The following ERCC6L2 variants were observed in gnomAD, a reference collection of about 807,000 sequenced individuals.
ERCC6L2 encodes the protein ERCC excision repair 6 like 2, also known as DNA excision repair protein ERCC-6-like 2.
A neutral mutation model predicts 132.0 loss-of-function variants in ERCC6L2; 77 were observed. That is an observed-to-expected ratio of 0.58 (90% CI 0.49 to 0.71). ERCC6L2 has a LOEUF of 0.71. Ranked by LOEUF, ERCC6L2 falls within the 30% of genes least tolerant of loss-of-function variation. The probability of loss-of-function intolerance (pLI) is 0.00; values close to 1 mark genes in which losing one functional copy is unlikely to be tolerated. For missense variants in ERCC6L2, 1,542 were observed against 1,837.6 expected (o/e 0.84, Z 2.94); for synonymous variants, 583 against 632.4 (o/e 0.92, Z 1.17).
rs891940692 is a variant in ERCC6L2, at chr9:95,905,521, G to A, written c.595-1557G>A. 4.6e-5 allele frequency among the ~76,000 whole-genome samples: 7 copies of A among 152,042 alleles called. No individual in the cohort carries two copies. The South Asian group carries it at 1.5e-3, about 32-fold the overall frequency. On this transcript the variant is annotated intron_variant, in intron 3 of 18. Coordinates refer to ENST00000653738, the MANE Select transcript of ERCC6L2 (RefSeq NM_020207.7). The stretch of plus-strand genomic sequence containing the variant: ...AATTTGCACCTAGCATTGTCATCTC[G>A]TAATATACAAAAAAATCAAAGGGAG...
intron 1 of ERCC6L2, among the ~76,000 whole-genome samples, chr9:95,877,958 A>C (rs563905689): frequency 6.6e-6 from 1 of 152,344 alleles, no homozygotes; most frequent in African/African-American, 2.4e-5. Context: ...AAAAGACAAA[A>C]AACCAGTGGA....
At chr9:95,953,734 A>G (rs914805361) in intron 12 of ERCC6L2, among the ~76,000 whole-genome samples, 1 of 152,106 alleles carries the variant, frequency 6.6e-6, no homozygotes. Context: ...AATTATACAC[A>G]TTATTACATT....
rs1827386483 is a variant in ERCC6L2, at chr9:95,878,100, ATGG to A, written c.46+2020_46+2022del. Among the ~76,000 whole-genome samples the A allele has an allele frequency of 5.3e-5, 8 of 152,330 alleles. No homozygotes were observed. The South Asian group carries it at 1.4e-3, about 28-fold the overall frequency. On this transcript the variant is annotated intron_variant, in intron 1 of 18. Transcript: ENST00000653738. ...GTTAGGCATAATTTAGGGAAAGTTG[ATGG>A]TGGCATGCTTTAAGACAGAGGTCTG...
At chr9:96,036,769 AT>A (rs780544626) in intron 19 of ERCC6L2, among the ~76,000 whole-genome samples, 4,130 of 119,802 alleles carry the variant, frequency 0.034, 103 homozygotes, top group Non-Finnish European at 0.051. Flanking sequence ...TATTATTTTT[AT>A]TTATTTTTTT....
Position 95,906,180 on chromosome 9 carries a change from A to T in ERCC6L2, c.595-898A>T, listed in dbSNP as rs146009833. 4.8e-3 allele frequency among the ~76,000 whole-genome samples: 735 copies of T among 152,262 alleles called. 7 individuals carry two copies. Among genetic ancestry groups the T allele is most frequent in the African/African-American group, 0.016 (661 of 41,560 alleles). The stretch of plus-strand genomic sequence containing the variant: ...TTCAAGAGAGAGCAGGAGGAGAGTT[A>T]AGCACTGATAACTCTTGATCTTTGC... On this transcript the variant is annotated intron_variant, in intron 3 of 18. Transcript: ENST00000653738.
chr9:96,040,056 T>TAAAA (rs71368224), intron 20 of ERCC6L2, among the ~76,000 whole-genome samples: 1 of 147,340 alleles, frequency 6.8e-6, no homozygotes, highest in Non-Finnish European at 1.5e-5. Context: ...CATCTCTAAT[T>TAAAA]AAAAAAAAAA....
chr9:95,932,191 G>A (rs112321818), intron 11 of ERCC6L2, among the ~76,000 whole-genome samples: 3,814 of 151,466 alleles, frequency 0.025, 172 homozygotes, highest in African/African-American at 0.089. Flanking sequence ...TCAGCCTCCC[G>A]AGCAGCTGGG....
chr9:95,910,149 C>T (rs1395155655), intron 4 of ERCC6L2, among the ~76,000 whole-genome samples: 1 of 152,130 alleles, frequency 6.6e-6, no homozygotes, highest in Non-Finnish European at 1.5e-5. Flanking sequence ...GATTGGCTTA[C>T]AGTATCTGAG....
intron 13 of ERCC6L2, among the ~76,000 whole-genome samples, chr9:95,961,852 T>C (rs891715664): frequency 6.6e-6 from 1 of 152,108 alleles, no homozygotes; most frequent in African/African-American, 2.4e-5. Context: ...AAGGCACATC[T>C]TGCATGGAGG....
intron 17 of ERCC6L2, among the ~76,000 whole-genome samples, chr9:95,995,924 A>G (rs1456375608): frequency 6.6e-6 from 1 of 152,184 alleles, no homozygotes; most frequent in Non-Finnish European, 1.5e-5. Flanking sequence ...GAAATGCAAC[A>G]GTATTGAAGT....
intron 15 of ERCC6L2, among the ~76,000 whole-genome samples, 176 bp from the exon 16 acceptor site, chr9:95,971,757 G>A (rs1832423243): frequency 6.6e-6 from 1 of 152,164 alleles, no homozygotes; most frequent in East Asian, 1.9e-4. Context: ...AAAGAGAAAA[G>A]ACTACCAGAC....
chr9:95,922,159 G>T (rs1220067860), intron 7 of ERCC6L2, 146 bp from the exon 8 acceptor site: 2 of 514,826 alleles, frequency 3.9e-6, no homozygotes, highest in Non-Finnish European at 6.9e-6. Context: ...TGGATATTTT[G>T]TGCAATAGTT....
At chr9:96,003,647 C>CTA (rs1330750436) in intron 17 of ERCC6L2, among the ~76,000 whole-genome samples, 1 of 152,190 alleles carries the variant, frequency 6.6e-6, no homozygotes, top group Non-Finnish European at 1.5e-5. Flanking sequence ...CCACATGGTG[C>CTA]TATATTCCAC....
intron 17 of ERCC6L2, among the ~76,000 whole-genome samples, chr9:95,995,516 C>A (rs974080008): frequency 3.9e-5 from 6 of 152,116 alleles, no homozygotes; most frequent in African/African-American, 1.4e-4. Flanking sequence ...TACAAAAGTA[C>A]CTTCTTGGTT....
intron 2 of ERCC6L2, among the ~76,000 whole-genome samples, chr9:95,889,754 T>C (rs561189559): frequency 6.6e-6 from 1 of 152,296 alleles, no homozygotes; most frequent in Admixed American, 6.5e-5. Flanking sequence ...ATGTTATGCT[T>C]ATTTACACCA....
chr9:95,958,876 G>A (rs1461538459), intron 13 of ERCC6L2, among the ~76,000 whole-genome samples: 1 of 152,030 alleles, frequency 6.6e-6, no homozygotes, highest in African/African-American at 2.4e-5. Flanking sequence ...TGAAATAAAA[G>A]AGGGTACCAA....
At chr9:95,960,594 C>A (rs1383748780) in intron 13 of ERCC6L2, among the ~76,000 whole-genome samples, 1 of 152,064 alleles carries the variant, frequency 6.6e-6, no homozygotes, top group Admixed American at 6.6e-5. Context: ...GTGGCAGCCA[C>A]CGCAAGCTGG....
chr9:95,923,229 A>G, intron 8 of ERCC6L2, 31 bp from the exon 9 acceptor site: 3 of 1,607,724 alleles, frequency 1.9e-6, no homozygotes. Context: ...GTTAAGTGGA[A>G]ATATCTTTTC....
At chr9:95,980,357 A>G (rs1832840694) in intron 17 of ERCC6L2, among the ~76,000 whole-genome samples, 1 of 152,190 alleles carries the variant, frequency 6.6e-6, no homozygotes, top group Non-Finnish European at 1.5e-5. Context: ...TTCAGAGAAG[A>G]TAAAGGAATT....
Sources: allele counts gnomAD v4.1 joint callset (sites outside exome capture counted in the v4.1 genomes callset), GRCh38; gene constraint gnomAD v4.1.1; transcripts MANE v1.5; gene names NCBI Gene and HGNC (gene_info 2026-07-23, HGNC 2026-07-21).